TMEM114: variants seen among roughly 807,000 people sequenced by gnomAD.
The protein encoded by TMEM114 is transmembrane protein 114.
Under a neutral mutation model 6.2 loss-of-function variants are expected in TMEM114, and 6 were observed. The ratio of observed to expected loss-of-function variants is 0.97; its 90% CI spans 0.53 to 1.91. The LOEUF is 1.91. Among genes scored for constraint, TMEM114 ranks in the 40% most tolerant of loss-of-function variants. The pLI is 0.01. For synonymous variants in TMEM114, 104 were observed against 73.0 expected, an observed-to-expected ratio of 1.42 and a Z score of -2.16; for missense variants, 218 against 158.3, an observed-to-expected ratio of 1.38 and a Z score of -2.02.
In TMEM114 at chr16:8,564,291, A is replaced by C. The variant is rs1172507651; in HGVS notation, n.212+24922T>G. 1.3e-4 allele frequency among the ~76,000 whole-genome samples: 8 copies of C among 63,174 alleles called. 1 individual carries two copies. The highest frequency in any genetic ancestry group is 5.8e-4 in the South Asian group (1 of 1,734). 41.4% of individuals were successfully genotyped at this position (63,174 alleles called of 152,430 possible). ...GAAATAAGTGAATGAGTGATGAAAT[A>C]AGTGAATGAGTGATGAAATAAGTGA... On this transcript the variant is annotated intron_variant and non_coding_transcript_variant, in intron 2 of 2. Coordinates refer to the TMEM114 transcript ENST00000623677.
chr16:8,572,376 T>C, intron 2 of TMEM114, 152 bp from the exon 3 acceptor site: 3 of 800,780 alleles, frequency 3.7e-6, no homozygotes, highest in Non-Finnish European at 6.1e-6. Context: ...CTGATGATGA[T>C]GATGACCATG....
chr16:8,566,390 T>G (rs1299726096), downstream of TMEM114, among the ~76,000 whole-genome samples: 1 of 92,600 alleles, frequency 1.1e-5, no homozygotes, highest in Admixed American at 1.0e-4. Flanking sequence ...AAAAAAAAAA[T>G]CAGAATAGAA....
rs911652074 is a variant in TMEM114, at chr16:8,572,082, C to A, written c.439+5G>T. ...GCCAGAGCCCTAGGCAGGGTGGGCA[C>A]CTACCTCCAAAGAGGAAGAGAATTC... On this transcript the variant is annotated splice_donor_5th_base_variant and intron_variant, in intron 3 of 3. Coordinates refer to ENST00000620492, the MANE Select transcript of TMEM114 (RefSeq NM_001146336.2). 3 of 1,540,148 alleles carry A rather than the reference C, an allele frequency of 1.9e-6. 1 individual carries two copies. The highest frequency in any genetic ancestry group is 2.7e-5 in the African/African-American group (2 of 72,814).
At chr16:8,571,210 C>T (rs1426438223) in intron 3 of TMEM114, among the ~76,000 whole-genome samples, 1 of 151,910 alleles carries the variant, frequency 6.6e-6, no homozygotes, top group African/African-American at 2.4e-5. Context: ...TTTTTCAAAA[C>T]CTCTGGTCCA....
chr16:8,588,483 G>A (rs1173210165), intron 2 of TMEM114, among the ~76,000 whole-genome samples: 2 of 152,162 alleles, frequency 1.3e-5, no homozygotes, highest in South Asian at 2.1e-4. Context: ...TTCGCTCCAC[G>A]TCTGGCTTAT....
intron 2 of TMEM114, among the ~76,000 whole-genome samples, chr16:8,558,681 C>T (rs1050942319): frequency 2.6e-5 from 4 of 152,190 alleles, no homozygotes; most frequent in African/African-American, 9.7e-5. Context: ...GCATTTCACC[C>T]CACCTCTCAG....
Position 8,569,979 on chromosome 16 carries a change from C to A in TMEM114, c.466G>T (p.Val156Phe), listed in dbSNP as rs769121517. Residue 156 changes from valine to phenylalanine, a missense_variant, in exon 4 of 4, where the codon GTC (valine) becomes TTC (phenylalanine). Val to Phe is a conservative substitution (Grantham distance 50, BLOSUM62 -1). Coordinates refer to ENST00000620492, the MANE Select transcript of TMEM114 (RefSeq NM_001146336.2). ...GCGGCGGCTGAATACGCTATGTAGA[C>A]GCTGATCCCAGCGAGGGTCACCATG... ...GAMVTLAGISVYIAYSAAAFR... is the reference protein window; with the variant it reads ...GAMVTLAGISFYIAYSAAAFR... 1 of 1,550,662 alleles carries A rather than the reference C, an allele frequency of 6.4e-7. No individual in the cohort carries two copies. Among genetic ancestry groups the A allele is most frequent in the Non-Finnish European group, 8.7e-7 (1 of 1,146,760 alleles).
intron 2 of TMEM114, among the ~76,000 whole-genome samples, chr16:8,585,066 G>A (rs1902278513): frequency 6.6e-6 from 1 of 152,138 alleles, no homozygotes; most frequent in Non-Finnish European, 1.5e-5. Context: ...AATCCTGGCT[G>A]AAGGTGAATG....
chr16:8,562,926 G>T (rs1901318849), intron 2 of TMEM114, among the ~76,000 whole-genome samples: 1 of 82,324 alleles, frequency 1.2e-5, no homozygotes, highest in African/African-American at 3.8e-5. Flanking sequence ...GTAAATGAGT[G>T]AGTGAGTGAA....
rs545373003 is a variant in TMEM114 at position 8,559,273 on chromosome 16, C to A, written n.213-21447G>T. 3.2e-4 allele frequency among the ~76,000 whole-genome samples: 48 copies of A among 151,870 alleles called. No individual in the cohort carries two copies. The East Asian group carries it at 8.0e-3, about 25-fold the overall frequency. ...GGCCAGGCTGGTCTCCAACTCATAA[C>A]CTCAAGTGATCCGCCCACCTCAGCC... On this transcript the variant is annotated intron_variant and non_coding_transcript_variant, in intron 2 of 2. Transcript: ENST00000623677.
rs999843545 is a variant in TMEM114, at chr16:8,589,951, G to A, written c.-113C>T. 2 of 387,716 alleles carry A rather than the reference G, an allele frequency of 5.2e-6. No homozygotes were observed. Among genetic ancestry groups the A allele is most frequent in the Non-Finnish European group, 9.1e-6 (2 of 219,554 alleles). 24.0% of individuals were successfully genotyped at this position (387,716 alleles called of 1,614,324 possible). On this transcript the variant is annotated 5_prime_UTR_variant, in exon 1 of 4. Transcript: ENST00000620492. Reference sequence around the variant, plus strand: ...GGCTCCCAGCTCCACCGCCGCCAGAGCCGCGGAGCTCAGATCTGAAAGCCT... The same window carrying A: ...GGCTCCCAGCTCCACCGCCGCCAGAACCGCGGAGCTCAGATCTGAAAGCCT...
intron 2 of TMEM114, among the ~76,000 whole-genome samples, chr16:8,546,777 C>G (rs1043726018): frequency 6.6e-6 from 1 of 152,178 alleles, no homozygotes; most frequent in Non-Finnish European, 1.5e-5. Context: ...CAGAGCACAC[C>G]AAGTCTTCTT....
chr16:8,561,565 A>T (rs1471158145), intron 2 of TMEM114, among the ~76,000 whole-genome samples: 2 of 152,258 alleles, frequency 1.3e-5, no homozygotes, highest in African/African-American at 4.8e-5. Flanking sequence ...CACATCAGGC[A>T]TCAAAGAAGT....
downstream of TMEM114, among the ~76,000 whole-genome samples, chr16:8,536,407 C>G (rs1229893887): frequency 6.6e-6 from 1 of 152,114 alleles, no homozygotes; most frequent in Non-Finnish European, 1.5e-5. Context: ...CTTTGAGGGA[C>G]TGAACATCCT....
At chr16:8,578,930 G>A (rs1233885938) in intron 2 of TMEM114, among the ~76,000 whole-genome samples, 1 of 152,180 alleles carries the variant, frequency 6.6e-6, no homozygotes, top group Non-Finnish European at 1.5e-5. Flanking sequence ...AGTGAGCTGA[G>A]ATTGTGCCAC....
chr16:8,541,732 A>C (rs1298186433), intron 2 of TMEM114, among the ~76,000 whole-genome samples: 1 of 152,234 alleles, frequency 6.6e-6, no homozygotes, highest in Non-Finnish European at 1.5e-5. Context: ...AATAAATCAT[A>C]AACTAAAGAG....
intron 2 of TMEM114, among the ~76,000 whole-genome samples, chr16:8,555,618 C>T (rs77807874): frequency 0.019 from 2,930 of 152,262 alleles, 90 homozygotes; most frequent in African/African-American, 0.067. Flanking sequence ...GTCCGGGGTC[C>T]AGTTATATCT....
intron 2 of TMEM114, among the ~76,000 whole-genome samples, chr16:8,561,112 C>G (rs996373232): frequency 6.6e-6 from 1 of 152,158 alleles, no homozygotes; most frequent in Non-Finnish European, 1.5e-5. Flanking sequence ...CAGGGTCCCT[C>G]CTGGAATTCT....
downstream of TMEM114, among the ~76,000 whole-genome samples, chr16:8,564,835 G>A (rs1596481298): frequency 1.5e-5 from 2 of 130,494 alleles, no homozygotes; most frequent in South Asian, 5.1e-4. Flanking sequence ...GTGATGGAGG[G>A]AATGAGTGAG....
Sources: gnomAD v4.1 joint callset for allele counts (sites outside exome capture counted in the v4.1 genomes callset) on GRCh38, gnomAD v4.1.1 for gene constraint, MANE v1.5 for transcripts, NCBI Gene and HGNC (gene_info 2026-07-23, HGNC 2026-07-21) for gene names.